Variants in CACNB4 observed in about 807,000 individuals in gnomAD.
CACNB4 encodes the protein calcium voltage-gated channel auxiliary subunit beta 4.
A neutral mutation model predicts 71.2 loss-of-function variants in CACNB4; 32 were observed. The observed-to-expected ratio is 0.45, with a 90% CI of 0.34 to 0.60. The LOEUF (loss-of-function observed/expected upper bound fraction) is 0.60. CACNB4 is among the 20% of genes least tolerant of loss of function. CACNB4 has a pLI of 0.01. For missense variants in CACNB4, 464 were observed against 647.9 expected (o/e 0.72, Z 3.08); for synonymous variants, 231 against 236.9 (o/e 0.97, Z 0.23).
chr2:152,067,840 TGTG>T (rs1686432568), intron 2 of CACNB4, among the ~76,000 whole-genome samples: 1 of 152,202 alleles, frequency 6.6e-6, no homozygotes, highest in African/African-American at 2.4e-5. Flanking sequence ...AAGTGGTAGT[TGTG>T]GTACTTGAAT....
At chr2:151,980,460 G>C (rs2099874508) in intron 2 of CACNB4, among the ~76,000 whole-genome samples, 1 of 152,122 alleles carries the variant, frequency 6.6e-6, no homozygotes, top group Non-Finnish European at 1.5e-5. Context: ...GCCCCCATTA[G>C]TTTGCATTAG....
At chr2:152,018,030 A>T (rs1399906554) in intron 2 of CACNB4, among the ~76,000 whole-genome samples, 1 of 151,822 alleles carries the variant, frequency 6.6e-6, no homozygotes, top group Non-Finnish European at 1.5e-5. Context: ...ACGGGGTTTC[A>T]CCATGTTGGC....
intron 10 of CACNB4, chr2:151,857,741 C>T (rs896954358): frequency 6.6e-6 from 1 of 152,258 alleles, no homozygotes; most frequent in Non-Finnish European, 1.5e-5. Flanking sequence ...ACTGGACTGC[C>T]CTGGTACAAA....
At chr2:152,027,621 A>G (rs1387166135) in intron 2 of CACNB4, among the ~76,000 whole-genome samples, 1 of 152,092 alleles carries the variant, frequency 6.6e-6, no homozygotes, top group Admixed American at 6.6e-5. Context: ...GCCAAAGCCG[A>G]GGCGGGCGGA....
chr2:152,006,867 C>A (rs1031694421), intron 2 of CACNB4, among the ~76,000 whole-genome samples: 2 of 152,170 alleles, frequency 1.3e-5, no homozygotes, highest in South Asian at 4.1e-4. Context: ...TACCTCCTAT[C>A]CTCTTTCCAC....
intron 2 of CACNB4, among the ~76,000 whole-genome samples, chr2:152,071,871 A>T (rs546254101): frequency 3.9e-5 from 6 of 152,358 alleles, no homozygotes; most frequent in Middle Eastern, 3.4e-3. Context: ...GGCCTTGACC[A>T]AGATGAATGT....
Position 152,076,409 on chromosome 2 carries a change from G to A in CACNB4, c.147+21921C>T, listed in dbSNP as rs71415199. Among the ~76,000 whole-genome samples, 16 of 147,840 alleles carry A rather than the reference G, an allele frequency of 1.1e-4. No individual in the cohort carries two copies. In the South Asian group the frequency reaches 2.4e-3, roughly 22 times the overall value. On this transcript the variant is annotated intron_variant, in intron 2 of 13. Coordinates refer to ENST00000539935, the MANE Select transcript of CACNB4 (RefSeq NM_000726.5). ...GAACTCCTGACCTTGTGATCCACCC[G>A]CCTCGGCCTCCCAAAGTGCTGGGAT...
At chr2:152,091,925 T>TG (rs1257446960) in intron 2 of CACNB4, among the ~76,000 whole-genome samples, 1 of 152,252 alleles carries the variant, frequency 6.6e-6, no homozygotes, top group Admixed American at 6.5e-5. Flanking sequence ...CTTCAACTGA[T>TG]GCTATGGTTC....
At position 151,834,181 on chromosome 2, in the gene CACNB4, C is replaced by T. The variant is rs2099834394; in HGVS notation, c.*4938G>A. ...AGGTATTGAAAAGCTAGAGGCCAGC[C>T]ACTTCTGGTTCTTAGTTCCCCTTGT... On this transcript the variant is annotated 3_prime_UTR_variant, in exon 14 of 14. Coordinates refer to ENST00000539935, the MANE Select transcript of CACNB4 (RefSeq NM_000726.5). 6.6e-6 allele frequency: 1 copy of T among 152,012 alleles called. No homozygotes were observed. Among genetic ancestry groups the T allele is most frequent in the Non-Finnish European group, 1.5e-5 (1 of 67,884 alleles). The allele number at this position is 152,012 out of a possible 1,614,324, so 9.4% of individuals were successfully genotyped here.
Position 152,098,784 on chromosome 2 carries a change from G to T in CACNB4, c.63+165C>A. 8.0e-7 allele frequency: 1 copy of T among 1,244,442 alleles called. No homozygotes were observed. Among genetic ancestry groups the T allele is most frequent in the Non-Finnish European group, 1.1e-6 (1 of 895,388 alleles). The allele number at this position is 1,244,442 out of a possible 1,614,324, so 77.1% of individuals were successfully genotyped here. On this transcript the variant is annotated intron_variant, in intron 1 of 13. Transcript: ENST00000539935. This position sits in a 1 kb window ranked among gnomAD's most constrained non-coding sequence, Gnocchi z 5.3. ...AAGAGAAGGAGGAGAAAGAGGAGGA[G>T]CGGGAGGAGAAAGGGACGTGGAGGA...
intron 2 of CACNB4, among the ~76,000 whole-genome samples, chr2:151,914,428 CAG>C (rs1182818994): frequency 6.6e-6 from 1 of 152,118 alleles, no homozygotes; most frequent in Non-Finnish European, 1.5e-5. Context: ...TCCTTTAGCT[CAG>C]TGTAGTTTTT....
chr2:152,078,747 T>C (rs1274655656), intron 2 of CACNB4, among the ~76,000 whole-genome samples: 3 of 152,192 alleles, frequency 2.0e-5, no homozygotes, highest in Non-Finnish European at 4.4e-5. Flanking sequence ...ATGTTGAAAA[T>C]GGCAAAGCCA....
intron 12 of CACNB4, chr2:151,850,673 A>G (rs944200396): frequency 6.6e-5 from 10 of 152,196 alleles, no homozygotes; most frequent in African/African-American, 1.7e-4. Flanking sequence ...GGAAAAGCAG[A>G]TCTGCAGTCA....
At chr2:151,886,065 G>A (rs747492239) in intron 2 of CACNB4, among the ~76,000 whole-genome samples, 2 of 151,852 alleles carry the variant, frequency 1.3e-5, no homozygotes, top group South Asian at 4.2e-4. Flanking sequence ...TTCCTGCCTC[G>A]GCCTCCCAAA....
chr2:152,065,478 G>A (rs1390232454), intron 2 of CACNB4, among the ~76,000 whole-genome samples: 1 of 152,122 alleles, frequency 6.6e-6, no homozygotes, highest in Non-Finnish European at 1.5e-5. Context: ...AAGTCACATG[G>A]ATCACCCCCG....
chr2:152,051,996 T>C (rs1395065541), intron 2 of CACNB4, among the ~76,000 whole-genome samples: 1 of 152,248 alleles, frequency 6.6e-6, no homozygotes, highest in Non-Finnish European at 1.5e-5. Context: ...CTTTCAGACA[T>C]AGTGTTAGCA....
chr2:151,853,769 G>C (rs1345107668), intron 11 of CACNB4: 1 of 376,448 alleles, frequency 2.7e-6, no homozygotes, highest in African/African-American at 2.2e-5. Context: ...GAAGTCTCAG[G>C]AGGAGCCTGA....
chr2:151,950,790 T>C (rs1247928476), intron 2 of CACNB4, among the ~76,000 whole-genome samples: 1 of 152,192 alleles, frequency 6.6e-6, no homozygotes, highest in Non-Finnish European at 1.5e-5. Context: ...AGATTGGTGA[T>C]TGCCAAGAGT....
intron 8 of CACNB4, 91 bp downstream of exon 8, chr2:151,870,440 C>T (rs765570337): frequency 6.6e-6 from 7 of 1,060,296 alleles, no homozygotes; most frequent in Middle Eastern, 2.0e-4. Context: ...TCAGGACCCA[C>T]GTGGAAACAG....
Sources: allele counts gnomAD v4.1 joint callset (sites outside exome capture counted in the v4.1 genomes callset), GRCh38; gene constraint gnomAD v4.1.1; non-coding constraint Gnocchi (gnomAD v3.1); transcripts MANE v1.5; gene names NCBI Gene and HGNC (gene_info 2026-07-23, HGNC 2026-07-21).